Variants in LHFPL3 observed in about 807,000 individuals in gnomAD.
LHFPL3 encodes the protein LHFPL tetraspan subfamily member 3 protein.
LHFPL3 carries 5 observed loss-of-function variants against 19.3 expected under a neutral mutation model. The ratio of observed to expected loss-of-function variants is 0.26; its 90% CI spans 0.14 to 0.54. The LOEUF is 0.54. LHFPL3 is among the 20% of genes least tolerant of loss of function. The pLI is 0.94. For synonymous variants in LHFPL3, 133 were observed against 126.2 expected, an observed-to-expected ratio of 1.05 and a Z score of -0.36; for missense variants, 249 against 307.4, an observed-to-expected ratio of 0.81 and a Z score of 1.42.
chr7:104,602,296 C>T (rs995805294), intron 1 of LHFPL3, among the ~76,000 whole-genome samples: 3 of 152,104 alleles, frequency 2.0e-5, no homozygotes, highest in Admixed American at 6.5e-5. Flanking sequence ...GCTGAGATTA[C>T]AGGTGTGAGC....
intron 2 of LHFPL3, chr7:104,845,560 G>A: frequency 2.0e-6 from 2 of 1,020,688 alleles, no homozygotes; most frequent in South Asian, 1.8e-5. Context: ...TGAAACTGCC[G>A]CTTTCAAGCC....
At chr7:104,806,554 T>A (rs770831797) in intron 2 of LHFPL3, among the ~76,000 whole-genome samples, 19 of 152,174 alleles carry the variant, frequency 1.2e-4, no homozygotes, top group Non-Finnish European at 2.8e-4. Context: ...CTCTTGAGGG[T>A]TGACTAAAAT....
chr7:104,703,119 T>C (rs1322732567), intron 1 of LHFPL3, among the ~76,000 whole-genome samples: 4 of 152,236 alleles, frequency 2.6e-5, no homozygotes, highest in African/African-American at 9.6e-5. Context: ...ATCTTTTTAT[T>C]GTTTATTTCT....
rs558073248 is a variant in LHFPL3 at position 104,788,553 on chromosome 7, T to G, written c.682+51642T>G. Among the ~76,000 whole-genome samples, 3 of 152,322 alleles carry G rather than the reference T, an allele frequency of 2.0e-5. No homozygotes were observed. In the South Asian group the frequency reaches 6.2e-4, roughly 32 times the overall value. On this transcript the variant is annotated intron_variant, in intron 2 of 2. Coordinates refer to ENST00000424859, the MANE Select transcript of LHFPL3 (RefSeq NM_199000.3). ...TGCTTAAATTATACATGTGAGAAGA[T>G]AGACTGAGTCTGGAATTCCAGGTGT...
chr7:104,793,361 A>C (rs76342500), intron 2 of LHFPL3, among the ~76,000 whole-genome samples: 2,729 of 152,336 alleles, frequency 0.018, 50 homozygotes, highest in Middle Eastern at 0.054. Context: ...GAAAGCAGGC[A>C]AACAGAAAGG....
At chr7:104,476,097 G>A (rs79035071) in intron 1 of LHFPL3, among the ~76,000 whole-genome samples, 9,416 of 152,158 alleles carry the variant, frequency 0.062, 336 homozygotes, top group African/African-American at 0.11. Flanking sequence ...AATGCTGTCC[G>A]AAGCATTTGT....
intron 1 of LHFPL3, among the ~76,000 whole-genome samples, chr7:104,712,862 T>C (rs1584492738): frequency 6.6e-6 from 1 of 152,226 alleles, no homozygotes; most frequent in East Asian, 1.9e-4. Context: ...TCTAGATTGT[T>C]TGACTCTTTA....
intron 2 of LHFPL3, among the ~76,000 whole-genome samples, chr7:104,873,834 C>T (rs756742514): frequency 2.0e-5 from 3 of 152,192 alleles, no homozygotes; most frequent in African/African-American, 4.8e-5. Flanking sequence ...CGAGGCAAGG[C>T]TCCTGACAAG....
chr7:104,355,865 A>T (rs145786549), intron 1 of LHFPL3, among the ~76,000 whole-genome samples: 3 of 152,336 alleles, frequency 2.0e-5, no homozygotes, highest in African/African-American at 7.2e-5. Flanking sequence ...AGTCTGACAT[A>T]AGGATTAGTT....
At chr7:104,367,001 C>T (rs1048464077) in intron 1 of LHFPL3, among the ~76,000 whole-genome samples, 2 of 152,084 alleles carry the variant, frequency 1.3e-5, no homozygotes, top group Non-Finnish European at 2.9e-5. Flanking sequence ...GATAATACTT[C>T]GCAGCTTACT....
chr7:104,708,453 C>T (rs1220248705), intron 1 of LHFPL3, among the ~76,000 whole-genome samples: 2 of 152,096 alleles, frequency 1.3e-5, no homozygotes, highest in African/African-American at 4.8e-5. Context: ...ACTGCCTCAG[C>T]TTGAGACTAT....
intron 1 of LHFPL3, among the ~76,000 whole-genome samples, chr7:104,385,120 A>G (rs536674728): frequency 2.4e-3 from 366 of 152,230 alleles, no homozygotes; most frequent in Non-Finnish European, 3.0e-3. Context: ...CCAGCATTTC[A>G]TTATATCTAG....
chr7:104,645,697 G>A (rs1318557020), intron 1 of LHFPL3, among the ~76,000 whole-genome samples: 1 of 100,140 alleles, frequency 1.0e-5, no homozygotes, highest in Non-Finnish European at 1.8e-5. Flanking sequence ...GTCTTGCTCT[G>A]TTGCCCAGGC....
chr7:104,405,160 TG>T (rs1163773661), intron 1 of LHFPL3, among the ~76,000 whole-genome samples: 3 of 152,154 alleles, frequency 2.0e-5, no homozygotes, highest in Admixed American at 2.0e-4. Context: ...AAATCATGAT[TG>T]GGTTTGTCAG....
intron 2 of LHFPL3, among the ~76,000 whole-genome samples, chr7:104,904,337 G>C (rs895245482): frequency 5.9e-5 from 9 of 152,136 alleles, no homozygotes; most frequent in African/African-American, 1.9e-4. Context: ...ATCTTATCTT[G>C]TGTTTTAAAG....
intron 1 of LHFPL3, among the ~76,000 whole-genome samples, chr7:104,331,075 G>A (rs1192720179): frequency 2.6e-5 from 4 of 152,228 alleles, no homozygotes; most frequent in East Asian, 3.9e-4. Flanking sequence ...CTAACCCCCC[G>A]CTTTTTGAAA....
At chr7:104,829,041 G>T (rs1018868118) in intron 2 of LHFPL3, among the ~76,000 whole-genome samples, 5 of 146,500 alleles carry the variant, frequency 3.4e-5, no homozygotes, top group African/African-American at 5.1e-5. Flanking sequence ...AAAAAAAAAA[G>T]AGTCCCCAAA....
At chr7:104,357,961 G>A (rs1425571761) in intron 1 of LHFPL3, among the ~76,000 whole-genome samples, 1 of 152,178 alleles carries the variant, frequency 6.6e-6, no homozygotes, top group Non-Finnish European at 1.5e-5. Flanking sequence ...ACATAAAATG[G>A]ACAATCACAA....
chr7:104,564,384 G>A (rs958911369), intron 1 of LHFPL3, among the ~76,000 whole-genome samples: 1 of 152,126 alleles, frequency 6.6e-6, no homozygotes, highest in African/African-American at 2.4e-5. Context: ...AGATAAAACA[G>A]CCAGCAGTAG....
Sources: allele counts gnomAD v4.1 joint callset (sites outside exome capture counted in the v4.1 genomes callset), GRCh38; gene constraint gnomAD v4.1.1; transcripts MANE v1.5; gene names NCBI Gene and HGNC (gene_info 2026-07-23, HGNC 2026-07-21).